The following CMSS1 variants were observed in gnomAD, a reference collection of about 807,000 sequenced individuals.
CMSS1 encodes cms1 ribosomal small subunit homolog.
In CMSS1, 33 loss-of-function variants were observed where a neutral mutation model predicts 43.5. The observed-to-expected ratio is 0.76, with a 90% CI of 0.57 to 1.01. CMSS1 has a LOEUF of 1.01. CMSS1 is among the 50% of genes least tolerant of loss of function. The pLI, the probability that CMSS1 is intolerant of heterozygous loss-of-function variation, is 0.00. For synonymous variants in CMSS1, 115 were observed against 117.2 expected (o/e 0.98, Z 0.12); for missense variants, 313 against 326.4 (o/e 0.96, Z 0.32).
chr3:100,148,314 A>G (rs893533328), intron 2 of CMSS1, among the ~76,000 whole-genome samples: 1 of 152,130 alleles, frequency 6.6e-6, no homozygotes, highest in East Asian at 1.9e-4. Flanking sequence ...TCTGGGCTCA[A>G]GTGATCCTCT....
At chr3:100,172,919 AAGCCAGT>A (rs2107532895) in intron 8 of CMSS1, among the ~76,000 whole-genome samples, 1 of 152,316 alleles carries the variant, frequency 6.6e-6, no homozygotes, top group East Asian at 1.9e-4. Context: ...AACTTTCTCA[AAGCCAGT>A]AGCCTAAGAA....
In CMSS1 at chr3:99,980,127, A is replaced by G. The variant is rs370177008; in HGVS notation, c.64+162084A>G. On this transcript the variant is annotated intron_variant, in intron 1 of 9. Coordinates refer to ENST00000421999, the MANE Select transcript of CMSS1 (RefSeq NM_032359.4). ...TAATTCAGGCAGTACAGTACGGACT[A>G]TATAGTGAGACATGCAGTAGTACCT... Among the ~76,000 whole-genome samples, 56 of 152,282 alleles carry G rather than the reference A, an allele frequency of 3.7e-4. 2 individuals are homozygous for G. In the South Asian group the frequency reaches 7.2e-3, roughly 20 times the overall value.
intron 1 of CMSS1, among the ~76,000 whole-genome samples, chr3:100,103,133 C>G: frequency 6.6e-6 from 1 of 152,140 alleles, no homozygotes; most frequent in East Asian, 1.9e-4. Context: ...TCCTGTTCAC[C>G]CTGTGATTGT....
intron 1 of CMSS1, among the ~76,000 whole-genome samples, chr3:100,086,537 C>G (rs2066012282): frequency 6.6e-6 from 1 of 152,036 alleles, no homozygotes; most frequent in Non-Finnish European, 1.5e-5. Flanking sequence ...GCCTGTTTAC[C>G]CAAATCAAAT....
intron 1 of CMSS1, among the ~76,000 whole-genome samples, chr3:99,821,987 G>A (rs1267696701): frequency 1.3e-5 from 2 of 151,904 alleles, no homozygotes; most frequent in Non-Finnish European, 2.9e-5. Context: ...TGGAGCTTGC[G>A]ACGAGCCAAG....
At chr3:100,126,715 G>A (rs566664876) in intron 1 of CMSS1, among the ~76,000 whole-genome samples, 15 of 152,232 alleles carry the variant, frequency 9.9e-5, no homozygotes, top group Admixed American at 2.0e-4. Flanking sequence ...GAAGAAAGTT[G>A]GGGCTGGATG....
chr3:100,114,887 T>C, intron 1 of CMSS1: 2 of 1,266,626 alleles, frequency 1.6e-6, no homozygotes, highest in Non-Finnish European at 2.2e-6. Context: ...TTCGCTATTA[T>C]TAACGCTGTG....
intron 1 of CMSS1, chr3:99,848,159 A>G (rs1943452644): frequency 6.5e-7 from 1 of 1,529,646 alleles, no homozygotes; most frequent in African/African-American, 1.4e-5. Context: ...TAGTTCATGC[A>G]CAAACCTTCC....
At chr3:100,054,370 G>A (rs4626129) in intron 1 of CMSS1, among the ~76,000 whole-genome samples, 3 of 152,156 alleles carry the variant, frequency 2.0e-5, no homozygotes, top group Non-Finnish European at 4.4e-5. Flanking sequence ...GGAAAACCTA[G>A]GCCTACATTC....
At chr3:100,162,487 T>C in intron 4 of CMSS1, 55 bp downstream of exon 4, 1 of 1,569,498 alleles carries the variant, frequency 6.4e-7, no homozygotes, top group Non-Finnish European at 8.7e-7. Flanking sequence ...AAGTATCTGT[T>C]ATGGTTAGGT....
chr3:99,969,118 G>A (rs1708740548), intron 1 of CMSS1, among the ~76,000 whole-genome samples: 1 of 152,160 alleles, frequency 6.6e-6, no homozygotes, highest in Non-Finnish European at 1.5e-5. Flanking sequence ...GGCCATGTGT[G>A]GAGGGCAGGG....
chr3:99,942,954 G>GGA (rs950527657), intron 1 of CMSS1, among the ~76,000 whole-genome samples: 4 of 152,174 alleles, frequency 2.6e-5, no homozygotes, highest in Admixed American at 2.6e-4. Context: ...CAGAGAAACA[G>GGA]GAGAGTAAAC....
At chr3:99,950,323 A>G (rs1291389504) in intron 1 of CMSS1, among the ~76,000 whole-genome samples, 1 of 152,184 alleles carries the variant, frequency 6.6e-6, no homozygotes, top group Non-Finnish European at 1.5e-5. Flanking sequence ...TTTTTACAGC[A>G]TCTCATTTAA....
At chr3:99,846,048 A>G (rs896791774) in intron 1 of CMSS1, among the ~76,000 whole-genome samples, 1 of 152,246 alleles carries the variant, frequency 6.6e-6, no homozygotes, top group African/African-American at 2.4e-5. Context: ...TGTAGCTCAC[A>G]TAAGAAATTG....
At chr3:99,932,197 G>C (rs1200876179) in intron 1 of CMSS1, among the ~76,000 whole-genome samples, 1 of 152,050 alleles carries the variant, frequency 6.6e-6, no homozygotes, top group Admixed American at 6.6e-5. Flanking sequence ...TCCCACTCCA[G>C]AAGTAACCAC....
intron 1 of CMSS1, among the ~76,000 whole-genome samples, chr3:99,840,538 G>C (rs948227094): frequency 1.3e-5 from 2 of 152,148 alleles, no homozygotes; most frequent in African/African-American, 4.8e-5. Flanking sequence ...TAGAATCTTA[G>C]AGAAGGAAAC....
intron 1 of CMSS1, among the ~76,000 whole-genome samples, chr3:100,000,638 C>G (rs550228874): frequency 6.6e-5 from 10 of 152,258 alleles, no homozygotes; most frequent in Admixed American, 2.6e-4. Context: ...TTGCTTGGGC[C>G]CAGGAGTTCA....
intron 1 of CMSS1, chr3:99,849,415 T>C: frequency 1.2e-6 from 2 of 1,614,220 alleles, no homozygotes; most frequent in African/African-American, 1.3e-5. Context: ...GTTCCTGTTT[T>C]CTTGTTGATT....
intron 1 of CMSS1, among the ~76,000 whole-genome samples, chr3:100,011,084 T>G (rs1021437097): frequency 1.4e-4 from 21 of 152,144 alleles, no homozygotes; most frequent in Non-Finnish European, 1.8e-4. Flanking sequence ...TCTGTGATAA[T>G]AGAAGATTGA....
Sources: gnomAD v4.1 joint callset for allele counts (sites outside exome capture counted in the v4.1 genomes callset) on GRCh38, gnomAD v4.1.1 for gene constraint, MANE v1.5 for transcripts, NCBI Gene and HGNC (gene_info 2026-07-23, HGNC 2026-07-21) for gene names.